STAU2: variants seen among roughly 807,000 people sequenced by gnomAD.
STAU2 encodes the protein staufen double-stranded RNA binding protein 2.
A neutral mutation model predicts 65.9 loss-of-function variants in STAU2; 20 were observed. The ratio of observed to expected loss-of-function variants is 0.30; its 90% CI spans 0.21 to 0.44. The LOEUF is 0.44. STAU2 is among the 20% of genes least tolerant of loss of function. The pLI is 1.00. For missense variants in STAU2, 558 were observed against 683.9 expected (o/e 0.82, Z 2.05); for synonymous variants, 232 against 233.9 (o/e 0.99, Z 0.07).
At position 73,636,444 on chromosome 8, in the gene STAU2, A is replaced by G. The variant is rs188375827; in HGVS notation, c.411-18993T>C. On this transcript the variant is annotated intron_variant, in intron 6 of 14. Transcript: ENST00000524300. ...ATAGAATCTAGGTTCTACAACATAT[A>G]ATTTTACAATGTCCAGAATACAATC... Among the ~76,000 whole-genome samples, 350 of 152,248 alleles carry G rather than the reference A, an allele frequency of 2.3e-3. 3 individuals are homozygous for G. Among genetic ancestry groups the G allele is most frequent in the Admixed American group, 3.8e-3 (58 of 15,282 alleles).
intron 5 of STAU2, among the ~76,000 whole-genome samples, chr8:73,685,526 G>A (rs903593436): frequency 6.6e-6 from 1 of 151,808 alleles, no homozygotes; most frequent in Non-Finnish European, 1.5e-5. Context: ...ACAGGGGCCC[G>A]CCACTGCCCG....
chr8:73,466,118 T>C (rs1819638955), intron 13 of STAU2, among the ~76,000 whole-genome samples: 1 of 152,238 alleles, frequency 6.6e-6, no homozygotes, highest in African/African-American at 2.4e-5. Context: ...ACACAAGAAA[T>C]GCATTCTTGC....
intron 6 of STAU2, among the ~76,000 whole-genome samples, chr8:73,636,557 G>A (rs1284666702): frequency 1.1e-4 from 17 of 152,156 alleles, no homozygotes; most frequent in Middle Eastern, 3.4e-3. Context: ...TGAAATGACC[G>A]AGATGTTAGA....
intron 6 of STAU2, among the ~76,000 whole-genome samples, chr8:73,642,980 C>G (rs972548274): frequency 3.9e-5 from 6 of 152,112 alleles, no homozygotes; most frequent in African/African-American, 1.4e-4. Context: ...GATGTATATG[C>G]AATCAACTCC....
intron 4 of STAU2, among the ~76,000 whole-genome samples, chr8:73,705,832 C>T (rs1054735837): frequency 1.6e-4 from 24 of 152,148 alleles, no homozygotes; most frequent in African/African-American, 5.8e-4. Context: ...TACCTGTCAG[C>T]ATGATATAAG....
intron 6 of STAU2, among the ~76,000 whole-genome samples, chr8:73,638,666 T>G (rs1814735495): frequency 6.6e-6 from 1 of 152,024 alleles, no homozygotes; most frequent in South Asian, 2.1e-4. Context: ...TTTTAAAAAC[T>G]CATTAGGTAC....
intron 3 of STAU2, among the ~76,000 whole-genome samples, chr8:73,727,578 GAAT>G (rs2130735374): frequency 6.6e-6 from 1 of 152,282 alleles, no homozygotes; most frequent in South Asian, 2.1e-4. Flanking sequence ...ACAATTTATG[GAAT>G]ACAGACTACT....
At chr8:73,699,951 C>T (rs1010443127) in intron 4 of STAU2, among the ~76,000 whole-genome samples, 1 of 148,776 alleles carries the variant, frequency 6.7e-6, no homozygotes. Context: ...CCTAATCCAA[C>T]AATACATTTA....
intron 10 of STAU2, among the ~76,000 whole-genome samples, chr8:73,600,757 C>G (rs1811580012): frequency 6.6e-6 from 1 of 152,208 alleles, no homozygotes; most frequent in South Asian, 2.1e-4. Context: ...AGATTTCCAT[C>G]TGGCCTATTC....
intron 13 of STAU2, among the ~76,000 whole-genome samples, chr8:73,478,029 T>C (rs905389856): frequency 7.4e-6 from 1 of 135,676 alleles, no homozygotes; most frequent in Admixed American, 7.0e-5. Context: ...TAGAAATATA[T>C]ATATGTATAT....
intron 13 of STAU2, among the ~76,000 whole-genome samples, chr8:73,492,984 G>C (rs1403220588): frequency 6.6e-6 from 1 of 151,242 alleles, no homozygotes; most frequent in Non-Finnish European, 1.5e-5. Flanking sequence ...CAATGGAACA[G>C]AACAGAGAAC....
chr8:73,620,752 AAG>A (rs1483337978), intron 6 of STAU2, among the ~76,000 whole-genome samples: 1 of 152,222 alleles, frequency 6.6e-6, no homozygotes, highest in African/African-American at 2.4e-5. Context: ...AGGAAATACC[AAG>A]ACTGGATGCC....
chr8:73,673,820 T>C (rs549846397), intron 5 of STAU2, among the ~76,000 whole-genome samples: 1 of 152,148 alleles, frequency 6.6e-6, no homozygotes, highest in East Asian at 1.9e-4. Context: ...ACAAGTAGCA[T>C]TATCGATAAA....
At chr8:73,465,668 T>C (rs1436906572) in intron 13 of STAU2, among the ~76,000 whole-genome samples, 1 of 152,240 alleles carries the variant, frequency 6.6e-6, no homozygotes, top group Non-Finnish European at 1.5e-5. Context: ...ATCACTGGCT[T>C]GCTTGGTTGG....
chr8:73,542,616 T>C (rs1806613835), intron 13 of STAU2, among the ~76,000 whole-genome samples: 1 of 152,130 alleles, frequency 6.6e-6, no homozygotes, highest in Admixed American at 6.6e-5. Context: ...AGAACTTGTG[T>C]AAATCAATAA....
At chr8:73,689,192 T>C (rs181606102) in intron 4 of STAU2, among the ~76,000 whole-genome samples, 1 of 152,308 alleles carries the variant, frequency 6.6e-6, no homozygotes, top group East Asian at 1.9e-4. Flanking sequence ...TATAATACTT[T>C]CATAAAATCT....
chr8:73,474,422 A>T (rs1820206335), intron 13 of STAU2, among the ~76,000 whole-genome samples: 1 of 152,238 alleles, frequency 6.6e-6, no homozygotes, highest in Non-Finnish European at 1.5e-5. Context: ...AGAGCGCTAG[A>T]AAAAGTCTCA....
intron 6 of STAU2, among the ~76,000 whole-genome samples, chr8:73,630,422 G>A (rs888159826): frequency 6.6e-5 from 10 of 152,208 alleles, no homozygotes; most frequent in Non-Finnish European, 1.5e-4. Flanking sequence ...ACCACACATA[G>A]GAAGAGGCTG....
Position 73,673,143 on chromosome 8 carries a change from C to T in STAU2, c.374G>A (p.Arg125Lys), listed in dbSNP as rs200996921. ...PLDPKPFPNY[R>K]ANYNFRGMYN... ...CATGCCCCGAAAGTTGTAATTAGCT[C>T]TATAATTTGGGAATGGCTTTGGATC... Residue 125 changes from arginine (R) to lysine (K), a missense_variant, in exon 6 of 15, where the codon AGA becomes AAA. By Grantham distance (26) the Arg-to-Lys change is conservative. Around this residue, in one of 3 missense-constraint regions of STAU2, gnomAD observed 199 missense variants for 299.5 expected, o/e 0.66. Transcript: ENST00000524300. The T allele has an allele frequency of 8.9e-5, 143 of 1,599,750 alleles. No individual in the cohort carries two copies. Among genetic ancestry groups the T allele is most frequent in the Non-Finnish European group, 1.2e-4 (139 of 1,172,288 alleles).
Sources: gnomAD v4.1 joint callset for allele counts (sites outside exome capture counted in the v4.1 genomes callset) on GRCh38, gnomAD v4.1.1 for gene constraint, gnomAD v4.1.1 regional missense constraint, MANE v1.5 for transcripts, NCBI Gene and HGNC (gene_info 2026-07-23, HGNC 2026-07-21) for gene names.